DNA2: variants seen among roughly 807,000 people sequenced by gnomAD.
DNA2 encodes DNA replication ATP-dependent helicase/nuclease DNA2.
Under a neutral mutation model 119.1 loss-of-function variants are expected in DNA2, and 101 were observed. That is an observed-to-expected ratio of 0.85 (90% confidence interval 0.72 to 1.00). The LOEUF is 1.00. DNA2 is among the 50% of genes least tolerant of loss of function. The pLI, the probability that DNA2 is intolerant of heterozygous loss-of-function variation, is 0.00. For missense variants in DNA2, 1,121 were observed against 1,255.5 expected, an observed-to-expected ratio of 0.89 and a Z score of 1.62; for synonymous variants, 366 against 424.4, an observed-to-expected ratio of 0.86 and a Z score of 1.69.
At position 68,462,282 on chromosome 10, in the gene DNA2, G is replaced by T. The variant is rs139133048; in HGVS notation, c.588-3047C>A. ...AGCTACTCAGGAGGCTGAGGCAGGA[G>T]AATTGATTGACCCAGGAGGTGGAGG... On this transcript the variant is annotated intron_variant, in intron 4 of 20. Transcript: ENST00000358410. Among the ~76,000 whole-genome samples the T allele has an allele frequency of 2.3e-3, 345 of 152,204 alleles. 3 individuals are homozygous for T. The highest frequency in any genetic ancestry group is 8.2e-3 in the African/African-American group (340 of 41,538).
chr10:68,450,322 T>C (rs2052102455), intron 5 of DNA2, 75 bp from the exon 6 acceptor site: 4 of 1,107,314 alleles, frequency 3.6e-6, no homozygotes, highest in Non-Finnish European at 5.2e-6. Flanking sequence ...TCTGACTGCC[T>C]ATTACACACA....
intron 14 of DNA2, among the ~76,000 whole-genome samples, chr10:68,428,443 C>T (rs932900210): frequency 3.9e-5 from 6 of 151,988 alleles, no homozygotes; most frequent in African/African-American, 1.5e-4. Flanking sequence ...CATGCAACTA[C>T]CAATCAATCC....
At chr10:68,471,238 C>T (rs1021684213) in intron 1 of DNA2, among the ~76,000 whole-genome samples, 7 of 152,198 alleles carry the variant, frequency 4.6e-5, no homozygotes, top group South Asian at 2.1e-4. Context: ...GTCCACCTAA[C>T]CTCAGGCCAT....
intron 14 of DNA2, 66 bp downstream of exon 14, chr10:68,430,370 A>G (rs1461534628): frequency 8.6e-7 from 1 of 1,166,498 alleles, no homozygotes; most frequent in East Asian, 2.5e-5. Context: ...CCCAGAGTAC[A>G]GTTTCTCCCC....
intron 10 of DNA2, among the ~76,000 whole-genome samples, chr10:68,434,043 G>A (rs1399971777): frequency 6.6e-6 from 1 of 152,196 alleles, no homozygotes; most frequent in East Asian, 1.9e-4. Flanking sequence ...GGGAAGCTGA[G>A]GCAGGAGGAT....
Position 68,447,981 on chromosome 10 carries a change from C to CAA in DNA2, c.940-1570_940-1569dup, listed in dbSNP as rs11383213. Among the ~76,000 whole-genome samples the CAA allele has an allele frequency of 8.3e-3, 1,166 of 140,692 alleles. 11 individuals carry two copies. Among genetic ancestry groups the CAA allele is most frequent in the African/African-American group, 0.025 (946 of 38,272 alleles). The allele number at this position is 140,692 out of a possible 152,430, so 92.3% of individuals were successfully genotyped here. A position where few individuals can be genotyped will look rare whatever the true frequency, so the allele number is the denominator to read the frequency against. The stretch of plus-strand genomic sequence containing the variant: ...CCTGGGTGACAGTGAGACTCCGTCT[C>CAA]AAAAAAAAAAAAAAATTTAATTTAC... On this transcript the variant is annotated intron_variant, in intron 6 of 20. Coordinates refer to ENST00000358410, the MANE Select transcript of DNA2 (RefSeq NM_001080449.3).
At position 68,460,391 on chromosome 10, in the gene DNA2, G is replaced by A. The variant is rs187684025; in HGVS notation, c.588-1156C>T. 4.5e-3 allele frequency among the ~76,000 whole-genome samples: 678 copies of A among 151,734 alleles called. 14 individuals carry two copies. The highest frequency in any genetic ancestry group is 6.9e-3 in the Non-Finnish European group (467 of 67,938). ...CCCAAAGTGCTGGGATAACAGGCAT[G>A]AGCCACCGCACCTGACCTAATACGG... On this transcript the variant is annotated intron_variant, in intron 4 of 20. Coordinates refer to ENST00000358410, the MANE Select transcript of DNA2 (RefSeq NM_001080449.3).
intron 4 of DNA2, among the ~76,000 whole-genome samples, chr10:68,464,696 G>A (rs1288487331): frequency 1.8e-4 from 28 of 151,626 alleles, no homozygotes; most frequent in Non-Finnish European, 1.0e-4. Context: ...AGGCGTGGTG[G>A]TGCATGCCTG....
intron 14 of DNA2, among the ~76,000 whole-genome samples, chr10:68,429,684 C>T (rs7901382): frequency 0.024 from 2,696 of 114,244 alleles, 112 homozygotes; most frequent in African/African-American, 0.087. Flanking sequence ...TGCACTCCAG[C>T]CTGGGTGACA....
In DNA2 at chr10:68,422,784, C is replaced by T. The variant is rs764780149; in HGVS notation, c.2315G>A (p.Cys772Tyr). Residue 772 changes from cysteine (C) to tyrosine (Y), a missense_variant, in exon 15 of 21, where the codon TGT becomes TAT. Cys to Tyr is a radical substitution (Grantham distance 194). Transcript: ENST00000358410. ...CCGTGAAAAAAAAAGGGGGCCCAGA[C>T]AAATTGGTTGGCTAATTTGAGAGGC... ...DEASQISQPI[C>Y]LGPLFFSRRF... The T allele has an allele frequency of 1.2e-6, 2 of 1,610,610 alleles. No individual in the cohort carries two copies. Among genetic ancestry groups the T allele is most frequent in the Non-Finnish European group, 1.7e-6 (2 of 1,179,212 alleles).
In DNA2 at chr10:68,422,792, T is replaced by C. The variant is rs757991769; in HGVS notation, c.2307A>G (p.Gln769=). 2 of 1,611,316 alleles carry C rather than the reference T, an allele frequency of 1.2e-6. No homozygotes were observed. Among genetic ancestry groups the C allele is most frequent in the Non-Finnish European group, 8.5e-7 (1 of 1,179,334 alleles). Residue 769 remains glutamine (Q), a synonymous_variant, in exon 15 of 21, where the codon CAA becomes CAG. Coordinates refer to ENST00000358410, the MANE Select transcript of DNA2 (RefSeq NM_001080449.3). Reference sequence around the variant, plus strand: ...AAAAAAGGGGGCCCAGACAAATTGGTTGGCTAATTTGAGAGGCTTCATCCA... The same window carrying C: ...AAAAAAGGGGGCCCAGACAAATTGGCTGGCTAATTTGAGAGGCTTCATCCA... ...CIVDEASQIS[Q]PICLGPLFFS... is the part of the protein sequence containing the mutation.
At chr10:68,448,483 C>T in intron 6 of DNA2, among the ~76,000 whole-genome samples, 1 of 152,112 alleles carries the variant, frequency 6.6e-6, no homozygotes, top group East Asian at 1.9e-4. Flanking sequence ...TCATACCCAA[C>T]ATAATAATGA....
At chr10:68,419,971 A>G in intron 17 of DNA2, 79 bp from the exon 18 acceptor site, 4 of 1,097,492 alleles carry the variant, frequency 3.6e-6, no homozygotes, top group Non-Finnish European at 5.4e-6. Flanking sequence ...CATAAAGACT[A>G]TACTACCGAC....
At chr10:68,456,726 T>C (rs2052186803) in intron 5 of DNA2, among the ~76,000 whole-genome samples, 1 of 149,916 alleles carries the variant, frequency 6.7e-6, no homozygotes, top group Non-Finnish European at 1.5e-5. Flanking sequence ...TTAAAGCAAA[T>C]TTTTTAGATC....
At chr10:68,435,979 A>T (rs532146840) in intron 10 of DNA2, among the ~76,000 whole-genome samples, 5 of 152,368 alleles carry the variant, frequency 3.3e-5, no homozygotes, top group South Asian at 4.1e-4. Context: ...TGTCCACATC[A>T]TCACTATGGA....
In DNA2 at chr10:68,432,190, G is replaced by A. The variant is rs747695993; in HGVS notation, c.1873+16C>T. Reference sequence around the variant, plus strand: ...AAGAAAAATTAATCAAAGCAGACATGGTGATTTTAGCATACCCTTTAGAAT... The same window carrying A: ...AAGAAAAATTAATCAAAGCAGACATAGTGATTTTAGCATACCCTTTAGAAT... On this transcript the variant is annotated intron_variant, in intron 12 of 20. Transcript: ENST00000358410. The A allele has an allele frequency of 9.4e-6, 14 of 1,482,642 alleles. No homozygotes were observed. The Admixed American group carries it at 2.5e-4, about 27-fold the overall frequency. The allele number at this position is 1,482,642 out of a possible 1,614,324, so 91.8% of individuals were successfully genotyped here.
rs749083955 is a variant in DNA2 at position 68,445,060 on chromosome 10, T to A, written c.1081A>T (p.Met361Leu). The A allele has an allele frequency of 6.2e-7, 1 of 1,606,552 alleles. No individual in the cohort carries two copies. Among genetic ancestry groups the A allele is most frequent in the African/African-American group, 1.3e-5 (1 of 74,896 alleles). Residue 361 changes from methionine to leucine, a missense_variant, in exon 8 of 21, where the codon ATG becomes TTG. Met to Leu is a conservative substitution (Grantham distance 15). Coordinates refer to ENST00000358410, the MANE Select transcript of DNA2 (RefSeq NM_001080449.3). Reference sequence around the variant, plus strand: ...ATACGGTGAAACAATGAGAATGCCATCTGGTTTCTTAGCTTTAATAATTCT... The same window carrying A: ...ATACGGTGAAACAATGAGAATGCCAACTGGTTTCTTAGCTTTAATAATTCT... ...KRELLKLRNQ[M>L]AFSLFHRISK...
chr10:68,463,668 C>CAAA lies in DNA2; in HGVS notation c.587+1996_587+1998dup, dbSNP rs1350131594. 3.1e-3 allele frequency among the ~76,000 whole-genome samples: 302 copies of CAAA among 98,576 alleles called. 2 individuals carry two copies. Among genetic ancestry groups the CAAA allele is most frequent in the African/African-American group, 9.9e-3 (278 of 28,198 alleles). 64.7% of individuals were successfully genotyped at this position (98,576 alleles called of 152,430 possible). A position where few individuals can be genotyped will look rare whatever the true frequency, so the allele number is the denominator to read the frequency against. ...TGAACGACAGAGGAAGACTCCATCT[C>CAAA]AAAAAAAAAAAAAAAAGATACAACT... On this transcript the variant is annotated intron_variant, in intron 4 of 20. Coordinates refer to ENST00000358410, the MANE Select transcript of DNA2 (RefSeq NM_001080449.3).
At chr10:68,419,949 T>C in intron 17 of DNA2, 57 bp from the exon 18 acceptor site, 2 of 1,429,782 alleles carry the variant, frequency 1.4e-6, no homozygotes, top group Non-Finnish European at 2.0e-6. Context: ...GTACTATAAG[T>C]ACGCAACTGG....
Sources: allele counts gnomAD v4.1 joint callset (sites outside exome capture counted in the v4.1 genomes callset), GRCh38; gene constraint gnomAD v4.1.1; transcripts MANE v1.5; gene names NCBI Gene and HGNC (gene_info 2026-07-23, HGNC 2026-07-21).